MID1: variants seen among roughly 807,000 people sequenced by gnomAD.
MID1 encodes the protein midline 1.
MID1 carries 7 observed loss-of-function variants against 40.4 expected under a neutral mutation model. That is an observed-to-expected ratio of 0.17 (90% CI 0.10 to 0.33). The LOEUF (loss-of-function observed/expected upper bound fraction) is 0.33, where lower values mean the gene tolerates loss of function less well. Ranked by LOEUF, MID1 falls within the 10% of genes least tolerant of loss-of-function variation. The pLI is 1.00. For synonymous variants in MID1, 229 were observed against 221.2 expected, an observed-to-expected ratio of 1.04 and a Z score of -0.31; for missense variants, 367 against 558.5, an observed-to-expected ratio of 0.66 and a Z score of 3.46.
intron 2 of MID1, 30 bp from the exon 3 acceptor site, chrX:10,523,217 A>G: frequency 1.0e-6 from 1 of 1,003,684 alleles, no homozygotes; most frequent in Non-Finnish European, 1.4e-6. Flanking sequence ...AAAGAGGAAA[A>G]ATATTATTCT....
chrX:10,832,085 A>G (rs1032708628), intron 1 of MID1, among the ~76,000 whole-genome samples: 3 of 112,839 alleles, frequency 2.7e-5, no homozygotes, highest in Non-Finnish European at 1.9e-5. Flanking sequence ...GATAAACTTT[A>G]AAACATTTGC....
chrX:10,457,478 T>C, intron 8 of MID1, among the ~76,000 whole-genome samples: 1 of 112,507 alleles, frequency 8.9e-6, no homozygotes, highest in African/African-American at 3.2e-5. Flanking sequence ...AATAATTCAA[T>C]TCATTATAAT....
chrX:10,759,487 A>G (rs2043659940), intron 1 of MID1, among the ~76,000 whole-genome samples: 1 of 110,862 alleles, frequency 9.0e-6, no homozygotes, highest in African/African-American at 3.3e-5. Flanking sequence ...GGGTGAGATA[A>G]TCTTCCTTCC....
At chrX:10,677,044 G>C (rs2043027658) in intron 1 of MID1, among the ~76,000 whole-genome samples, 1 of 111,343 alleles carries the variant, frequency 9.0e-6, no homozygotes, top group South Asian at 3.8e-4. Context: ...AATCTATCTG[G>C]CACCTCATTT....
chrX:10,556,079 A>G (rs774201282), intron 2 of MID1, among the ~76,000 whole-genome samples: 41 of 100,990 alleles, frequency 4.1e-4, no homozygotes, highest in Non-Finnish European at 6.9e-4. Context: ...TTACTCACAT[A>G]CCAAAGGCAA....
chrX:10,609,813 G>T, intron 1 of MID1, among the ~76,000 whole-genome samples: 1 of 106,878 alleles, frequency 9.4e-6, no homozygotes, highest in Non-Finnish European at 1.9e-5. Context: ...CGCCTCGCGG[G>T]TTCACGCCAT....
Position 10,465,010 on chromosome X carries a change from C to T in MID1, c.1285+4687G>A, listed in dbSNP as rs766831636. On this transcript the variant is annotated intron_variant, in intron 7 of 9. Transcript: ENST00000317552. ...ACCAGCCTGGCCAACATGGCGAAAT[C>T]CCATCTCTACTAAAAATACAAAAAT... 1.0e-4 allele frequency among the ~76,000 whole-genome samples: 11 copies of T among 108,461 alleles called. No individual in the cohort carries two copies. In the South Asian group the frequency reaches 4.4e-3, roughly 44 times the overall value. 94.2% of individuals were successfully genotyped at this position (108,461 alleles called of 115,157 possible). A position where few individuals can be genotyped will look rare whatever the true frequency, so the allele number is the denominator to read the frequency against.
intron 1 of MID1, among the ~76,000 whole-genome samples, chrX:10,668,661 A>G (rs1258786016): frequency 8.9e-6 from 1 of 112,524 alleles, no homozygotes; most frequent in Non-Finnish European, 1.9e-5. Context: ...ATGGAAATTA[A>G]ATTTGTTGAT....
At chrX:10,640,273 C>T (rs1340789993) in intron 1 of MID1, among the ~76,000 whole-genome samples, 2 of 111,516 alleles carry the variant, frequency 1.8e-5, no homozygotes, top group South Asian at 7.6e-4. Context: ...GGAGACCCAT[C>T]TCATGTGCAG....
chrX:10,653,489 C>T (rs1300233774), intron 1 of MID1, among the ~76,000 whole-genome samples: 3 of 112,283 alleles, frequency 2.7e-5, no homozygotes, highest in African/African-American at 9.7e-5. Flanking sequence ...GTTGTTAATG[C>T]TAAAATCATC....
chrX:10,716,324 A>G (rs1390951710), intron 1 of MID1, among the ~76,000 whole-genome samples: 1 of 111,875 alleles, frequency 8.9e-6, no homozygotes, highest in Non-Finnish European at 1.9e-5. Context: ...GCTGACTAGA[A>G]TAACCAATGC....
upstream of MID1, chrX:10,620,664 G>C (rs1000186975): frequency 1.8e-5 from 2 of 112,177 alleles, no homozygotes; most frequent in African/African-American, 3.3e-5. Context: ...CTGGGAGCCA[G>C]AAAGGCTGCC....
intron 1 of MID1, among the ~76,000 whole-genome samples, chrX:10,800,653 C>A (rs746933295): frequency 6.3e-5 from 7 of 111,423 alleles, no homozygotes; most frequent in Non-Finnish European, 1.1e-4. Flanking sequence ...GTGACAGATA[C>A]CTCAACTCTC....
At chrX:10,765,834 T>C (rs2043716168) in intron 1 of MID1, among the ~76,000 whole-genome samples, 1 of 105,029 alleles carries the variant, frequency 9.5e-6, no homozygotes, top group Non-Finnish European at 1.9e-5. Flanking sequence ...AACTCTTTCA[T>C]CTAGGAAGTA....
intron 6 of MID1, among the ~76,000 whole-genome samples, chrX:10,470,900 T>G (rs1355905835): frequency 1.8e-5 from 2 of 112,283 alleles, no homozygotes; most frequent in Admixed American, 1.9e-4. Flanking sequence ...GTTGGCAAAC[T>G]GTGACTGTGG....
chrX:10,743,455 T>C (rs1163173300), intron 1 of MID1, among the ~76,000 whole-genome samples: 1 of 112,426 alleles, frequency 8.9e-6, no homozygotes, highest in African/African-American at 3.2e-5. Context: ...GGATAAAGAA[T>C]TCTAGCCTTT....
At chrX:10,715,354 G>A (rs2043294111) in intron 1 of MID1, among the ~76,000 whole-genome samples, 1 of 112,039 alleles carries the variant, frequency 8.9e-6, no homozygotes, top group Admixed American at 9.4e-5. Context: ...CCCTAATACT[G>A]TGCTTTTCCA....
intron 5 of MID1, among the ~76,000 whole-genome samples, chrX:10,475,560 G>A (rs1929962533): frequency 8.9e-6 from 1 of 112,049 alleles, no homozygotes; most frequent in Non-Finnish European, 1.9e-5. Context: ...ATTCAAAAAT[G>A]CAAGTGCTTC....
chrX:10,560,332 C>T (rs903653165), intron 2 of MID1, among the ~76,000 whole-genome samples: 3 of 111,671 alleles, frequency 2.7e-5, no homozygotes, highest in Non-Finnish European at 5.6e-5. Context: ...TGCCCTCTCT[C>T]ACCACTCCTA....
Sources: allele counts gnomAD v4.1 joint callset (sites outside exome capture counted in the v4.1 genomes callset), GRCh38; gene constraint gnomAD v4.1.1; transcripts MANE v1.5; gene names NCBI Gene and HGNC (gene_info 2026-07-23, HGNC 2026-07-21).